GMDS: variants seen among roughly 807,000 people sequenced by gnomAD.
GMDS encodes the protein GDP-mannose 4,6 dehydratase.
In GMDS, 20 loss-of-function variants were observed where a neutral mutation model predicts 49.9. That is an observed-to-expected ratio of 0.40 (90% CI 0.28 to 0.58). The LOEUF is 0.58. Ranked by LOEUF, GMDS falls within the 20% of genes least tolerant of loss-of-function variation. The pLI, the probability that GMDS is intolerant of heterozygous loss-of-function variation, is 0.42. For synonymous variants in GMDS, 177 were observed against 178.6 expected (o/e 0.99, Z 0.07); for missense variants, 362 against 481.4 (o/e 0.75, Z 2.32).
chr6:2,240,381 C>T (rs1781557624), intron 1 of GMDS, among the ~76,000 whole-genome samples: 2 of 152,142 alleles, frequency 1.3e-5, no homozygotes, highest in Non-Finnish European at 2.9e-5. Flanking sequence ...GATTTATTTC[C>T]TATTTGATAA....
chr6:1,915,039 A>G (rs1011030358), intron 7 of GMDS, among the ~76,000 whole-genome samples: 1 of 152,238 alleles, frequency 6.6e-6, no homozygotes, highest in Non-Finnish European at 1.5e-5. Context: ...GCTGGCATCC[A>G]CTAAAGGGAG....
chr6:1,823,502 G>C (rs1770979465), intron 7 of GMDS, among the ~76,000 whole-genome samples: 1 of 152,040 alleles, frequency 6.6e-6, no homozygotes, highest in South Asian at 2.1e-4. Flanking sequence ...AAAGACCCTG[G>C]GCTCCTAGGA....
chr6:2,080,059 TTTGAG>T (rs1332020545), intron 4 of GMDS, among the ~76,000 whole-genome samples: 4 of 152,290 alleles, frequency 2.6e-5, no homozygotes, highest in South Asian at 2.1e-4. Flanking sequence ...GTCTTCTGTC[TTTGAG>T]TTGTCAGATT....
intron 7 of GMDS, among the ~76,000 whole-genome samples, chr6:1,887,503 G>A (rs576532972): frequency 3.3e-5 from 5 of 152,250 alleles, no homozygotes; most frequent in African/African-American, 9.6e-5. Flanking sequence ...GAGGTACCAC[G>A]TGTTTATAAT....
chr6:1,966,033 G>A (rs1764240457), intron 4 of GMDS, among the ~76,000 whole-genome samples: 1 of 152,124 alleles, frequency 6.6e-6, no homozygotes, highest in Non-Finnish European at 1.5e-5. Flanking sequence ...TTTGTTTACA[G>A]GTCTTCTATG....
rs368070796 is a variant in GMDS, at chr6:2,080,075, CCTT to C, written c.345+35693_345+35695del. 1.4e-4 allele frequency among the ~76,000 whole-genome samples: 21 copies of C among 152,150 alleles called. 1 individual carries two copies. Among genetic ancestry groups the C allele is most frequent in the African/African-American group, 4.8e-4 (20 of 41,520 alleles). Reference sequence around the variant, plus strand: ...TCTTCTGTCTTTGAGTTGTCAGATTCCTTCTTCTGCTTAATCTAGACTATTGTT... The same window carrying C: ...TCTTCTGTCTTTGAGTTGTCAGATTCCTTCTGCTTAATCTAGACTATTGTT... On this transcript the variant is annotated intron_variant, in intron 4 of 10. Coordinates refer to ENST00000380815, the MANE Select transcript of GMDS (RefSeq NM_001500.4).
intron 6 of GMDS, among the ~76,000 whole-genome samples, chr6:1,940,192 T>TGCAC (rs397721474): frequency 6.6e-6 from 1 of 152,180 alleles, no homozygotes; most frequent in Non-Finnish European, 1.5e-5. Flanking sequence ...CATGCATGCA[T>TGCAC]ACATACATAT....
chr6:2,115,267 G>A (rs1774781290), intron 4 of GMDS, among the ~76,000 whole-genome samples: 1 of 152,180 alleles, frequency 6.6e-6, no homozygotes, highest in Non-Finnish European at 1.5e-5. Flanking sequence ...CACTGAGGAG[G>A]AGGGAGACTA....
At chr6:1,809,770 A>G (rs1770337657) in intron 7 of GMDS, among the ~76,000 whole-genome samples, 1 of 152,202 alleles carries the variant, frequency 6.6e-6, no homozygotes, top group African/African-American at 2.4e-5. Context: ...TCTTGGTATA[A>G]AAGAAAAGAG....
At chr6:1,909,245 A>G (rs1760928070) in intron 7 of GMDS, among the ~76,000 whole-genome samples, 1 of 152,228 alleles carries the variant, frequency 6.6e-6, no homozygotes, top group Non-Finnish European at 1.5e-5. Flanking sequence ...ACTGCTCTCC[A>G]TGATGAAATT....
At chr6:1,913,978 A>G (rs1761216533) in intron 7 of GMDS, among the ~76,000 whole-genome samples, 3 of 152,152 alleles carry the variant, frequency 2.0e-5, no homozygotes, top group African/African-American at 4.8e-5. Flanking sequence ...AAAATAATAC[A>G]GTATATCCAT....
intron 7 of GMDS, among the ~76,000 whole-genome samples, chr6:1,828,515 T>G (rs1215645325): frequency 1.3e-5 from 2 of 152,130 alleles, no homozygotes; most frequent in African/African-American, 4.8e-5. Flanking sequence ...AAGCCAAAGG[T>G]AAAGATGGAA....
intron 1 of GMDS, among the ~76,000 whole-genome samples, chr6:2,236,418 A>G (rs1454400879): frequency 6.6e-6 from 1 of 152,238 alleles, no homozygotes; most frequent in Non-Finnish European, 1.5e-5. Flanking sequence ...CTTGACAAAC[A>G]GGGTTTCTGC....
At chr6:2,206,404 G>A (rs1779810347) in intron 1 of GMDS, among the ~76,000 whole-genome samples, 1 of 152,092 alleles carries the variant, frequency 6.6e-6, no homozygotes, top group African/African-American at 2.4e-5. Context: ...GGAGGCTCTA[G>A]GAGGCACTGA....
intron 9 of GMDS, among the ~76,000 whole-genome samples, chr6:1,716,251 C>T (rs1766173024): frequency 6.6e-6 from 1 of 152,224 alleles, no homozygotes; most frequent in South Asian, 2.1e-4. Context: ...AAGGCCTTCC[C>T]TATTCCTGGC....
At chr6:1,887,691 T>G (rs1248314929) in intron 7 of GMDS, among the ~76,000 whole-genome samples, 2 of 152,210 alleles carry the variant, frequency 1.3e-5, no homozygotes, top group Non-Finnish European at 2.9e-5. Context: ...CAATTTATTT[T>G]CTTCTTCCTC....
intron 8 of GMDS, among the ~76,000 whole-genome samples, chr6:1,733,947 G>A (rs571930436): frequency 6.6e-6 from 1 of 152,362 alleles, no homozygotes; most frequent in South Asian, 2.1e-4. Context: ...TAGGCCAGGA[G>A]GAGGCACTCT....
intron 7 of GMDS, among the ~76,000 whole-genome samples, chr6:1,880,197 C>A (rs2113821453): frequency 6.7e-6 from 1 of 150,160 alleles, no homozygotes. Context: ...CCTGTAATCC[C>A]AGCACTTTGG....
At chr6:1,874,125 C>T (rs1758911986) in intron 7 of GMDS, among the ~76,000 whole-genome samples, 3 of 152,186 alleles carry the variant, frequency 2.0e-5, no homozygotes, top group Admixed American at 2.0e-4. Flanking sequence ...GCCACTTGGC[C>T]TCCGGTGCTA....
Sources: gnomAD v4.1 joint callset for allele counts (sites outside exome capture counted in the v4.1 genomes callset) on GRCh38, gnomAD v4.1.1 for gene constraint, MANE v1.5 for transcripts, NCBI Gene and HGNC (gene_info 2026-07-23, HGNC 2026-07-21) for gene names.